STIM1: variants seen among roughly 807,000 people sequenced by gnomAD.
STIM1 encodes stromal interaction molecule 1.
Under a neutral mutation model 74.7 loss-of-function variants are expected in STIM1, and 25 were observed. The ratio of observed to expected loss-of-function variants is 0.33; its 90% CI spans 0.24 to 0.47. The LOEUF (loss-of-function observed/expected upper bound fraction) is 0.47, where lower values mean the gene tolerates loss of function less well. Ranked by LOEUF, STIM1 falls within the 20% of genes least tolerant of loss-of-function variation. The pLI, the probability that STIM1 is intolerant of heterozygous loss-of-function variation, is 1.00. For missense variants in STIM1, 728 were observed against 920.8 expected, an observed-to-expected ratio of 0.79 and a Z score of 2.71; for synonymous variants, 328 against 348.8, an observed-to-expected ratio of 0.94 and a Z score of 0.66.
At chr11:4,023,254 C>T (rs1047426953) in intron 2 of STIM1, among the ~76,000 whole-genome samples, 9 of 152,112 alleles carry the variant, frequency 5.9e-5, no homozygotes, top group African/African-American at 1.9e-4. Flanking sequence ...GCTTGAACTT[C>T]GGAGGTGGAG....
At chr11:3,897,976 C>T (rs990286581) in intron 1 of STIM1, among the ~76,000 whole-genome samples, 2 of 152,126 alleles carry the variant, frequency 1.3e-5, no homozygotes, top group Non-Finnish European at 2.9e-5. Flanking sequence ...AATAAACATA[C>T]GTGTGCATGT....
chr11:3,989,418 T>G, intron 2 of STIM1: 2 of 728,398 alleles, frequency 2.7e-6, no homozygotes. Flanking sequence ...TCTTGGGCTC[T>G]TCCTTGGCGG....
At chr11:3,972,550 T>C (rs2093406665) in intron 2 of STIM1, among the ~76,000 whole-genome samples, 1 of 152,230 alleles carries the variant, frequency 6.6e-6, no homozygotes, top group Non-Finnish European at 1.5e-5. Context: ...TTATCTACAC[T>C]AAAACTCTTT....
At chr11:4,065,580 C>G (rs536162149) in intron 5 of STIM1, among the ~76,000 whole-genome samples, 91 of 152,020 alleles carry the variant, frequency 6.0e-4, no homozygotes, top group African/African-American at 1.9e-3. Context: ...AGCTTAAGAT[C>G]TAGCCAGAAT....
intron 1 of STIM1, among the ~76,000 whole-genome samples, chr11:3,893,723 C>T (rs770830825): frequency 6.6e-6 from 1 of 151,264 alleles, no homozygotes. Flanking sequence ...GTGGCGCAAT[C>T]GCAGCTCACT....
At chr11:3,918,125 T>C (rs903785841) in intron 1 of STIM1, among the ~76,000 whole-genome samples, 62 of 152,182 alleles carry the variant, frequency 4.1e-4, no homozygotes, top group African/African-American at 1.5e-3. Flanking sequence ...CCTTTGGCTC[T>C]GCTTTTCTTT....
intron 3 of STIM1, among the ~76,000 whole-genome samples, chr11:4,053,476 C>T (rs1291622690): frequency 6.6e-6 from 1 of 150,478 alleles, no homozygotes; most frequent in Non-Finnish European, 1.5e-5. Flanking sequence ...CAAAATATCG[C>T]AAGAACAAAA....
intron 1 of STIM1, among the ~76,000 whole-genome samples, chr11:3,879,771 A>G (rs1187044798): frequency 6.6e-6 from 1 of 151,916 alleles, no homozygotes; most frequent in South Asian, 2.1e-4. Context: ...TTTCCTTACC[A>G]TTTCCCCTCT....
chr11:3,896,887 T>C (rs2092195863), intron 1 of STIM1, among the ~76,000 whole-genome samples: 1 of 152,200 alleles, frequency 6.6e-6, no homozygotes, highest in African/African-American at 2.4e-5. Flanking sequence ...GAAATTATTA[T>C]AAAATCAATC....
At chr11:3,885,171 T>C (rs2091658207) in intron 1 of STIM1, among the ~76,000 whole-genome samples, 2 of 144,056 alleles carry the variant, frequency 1.4e-5, no homozygotes, top group Admixed American at 1.4e-4. Flanking sequence ...TATTTCAATA[T>C]AAACATAGAT....
intron 1 of STIM1, among the ~76,000 whole-genome samples, chr11:3,861,268 C>G (rs2090592073): frequency 6.8e-6 from 1 of 147,838 alleles, no homozygotes; most frequent in Non-Finnish European, 1.5e-5. Context: ...GAGTCTTGCT[C>G]TGTTGCCCAG....
chr11:3,958,006 C>T (rs2093237751), intron 1 of STIM1, among the ~76,000 whole-genome samples: 1 of 152,166 alleles, frequency 6.6e-6, no homozygotes, highest in South Asian at 2.1e-4. Context: ...GCTGGGACTA[C>T]AGGCGCGTGC....
chr11:4,021,282 T>C (rs904386516), intron 2 of STIM1, among the ~76,000 whole-genome samples: 1 of 152,046 alleles, frequency 6.6e-6, no homozygotes, highest in Non-Finnish European at 1.5e-5. Flanking sequence ...TGTGCCACCA[T>C]GCCCAGCTAA....
intron 1 of STIM1, among the ~76,000 whole-genome samples, chr11:3,955,228 G>T (rs1317837398): frequency 6.6e-6 from 1 of 152,214 alleles, no homozygotes; most frequent in Admixed American, 6.5e-5. Flanking sequence ...GGGAGAATGA[G>T]GGTTGGCAGT....
chr11:3,953,450 G>A (rs1158563884), intron 1 of STIM1, among the ~76,000 whole-genome samples: 1 of 152,204 alleles, frequency 6.6e-6, no homozygotes, highest in Non-Finnish European at 1.5e-5. Context: ...GCCTTGGAAA[G>A]TAAGAGTTAG....
chr11:3,948,097 C>T (rs1590592478), intron 1 of STIM1, among the ~76,000 whole-genome samples: 2 of 152,102 alleles, frequency 1.3e-5, no homozygotes. Flanking sequence ...TGAGGTGGTC[C>T]GTTGGCCAGT....
At chr11:4,049,138 C>A (rs1250161751) in intron 3 of STIM1, among the ~76,000 whole-genome samples, 1 of 152,222 alleles carries the variant, frequency 6.6e-6, no homozygotes, top group Non-Finnish European at 1.5e-5. Context: ...GGTGATGATG[C>A]AATTTGCCAT....
intron 2 of STIM1, among the ~76,000 whole-genome samples, chr11:3,979,208 C>G (rs1317106625): frequency 6.6e-6 from 1 of 152,098 alleles, no homozygotes; most frequent in African/African-American, 2.4e-5. Flanking sequence ...ATTATATTCC[C>G]TTTTGTGCTC....
chr11:3,990,787 T>A (rs967225789), intron 2 of STIM1, among the ~76,000 whole-genome samples: 1 of 152,230 alleles, frequency 6.6e-6, no homozygotes, highest in Non-Finnish European at 1.5e-5. Flanking sequence ...TGCTCATTTA[T>A]TTTATTTTTT....
Sources: allele counts gnomAD v4.1 joint callset (sites outside exome capture counted in the v4.1 genomes callset), GRCh38; gene constraint gnomAD v4.1.1; transcripts MANE v1.5; gene names NCBI Gene and HGNC (gene_info 2026-07-23, HGNC 2026-07-21).